Variants in KLF12 observed in about 807,000 individuals in gnomAD.
KLF12 encodes Krueppel-like factor 12.
Under a neutral mutation model 37.8 loss-of-function variants are expected in KLF12, and 9 were observed. The ratio of observed to expected loss-of-function variants is 0.24; its 90% confidence interval spans 0.14 to 0.42. KLF12 has a LOEUF of 0.42. Among genes scored for constraint, KLF12 ranks in the 10% least tolerant of loss-of-function variants. KLF12 has a pLI of 1.00. For missense variants in KLF12, 411 were observed against 516.0 expected, an observed-to-expected ratio of 0.80 and a Z score of 1.97; for synonymous variants, 208 against 202.1, an observed-to-expected ratio of 1.03 and a Z score of -0.25.
chr13:73,863,815 C>T (rs920509128), intron 3 of KLF12, among the ~76,000 whole-genome samples: 2 of 152,016 alleles, frequency 1.3e-5, no homozygotes, highest in African/African-American at 4.8e-5. Flanking sequence ...GTAATAGCAC[C>T]CCGCCAGGAG....
chr13:74,022,736 A>C (rs1892874446), intron 1 of KLF12, among the ~76,000 whole-genome samples: 1 of 149,634 alleles, frequency 6.7e-6, no homozygotes, highest in Admixed American at 6.7e-5. Context: ...TGCAGTGACC[A>C]CTCCAACCCC....
chr13:73,707,605 G>A (rs1453029070), intron 7 of KLF12, among the ~76,000 whole-genome samples: 1 of 152,094 alleles, frequency 6.6e-6, no homozygotes, highest in Non-Finnish European at 1.5e-5. Flanking sequence ...AACCTAGATG[G>A]GGGGGTCTGA....
the KLF12 span, among the ~76,000 whole-genome samples, chr13:74,144,691 A>G: frequency 2.0e-5 from 3 of 152,208 alleles, no homozygotes; most frequent in Non-Finnish European, 4.4e-5. Flanking sequence ...TTTATGTCTA[A>G]GTATTAAGAT....
intron 3 of KLF12, among the ~76,000 whole-genome samples, chr13:73,938,237 G>T (rs961700407): frequency 6.6e-6 from 1 of 152,130 alleles, no homozygotes; most frequent in African/African-American, 2.4e-5. Context: ...TTTACGCACA[G>T]ATGTACACTA....
At chr13:74,044,567 C>T (rs1893490028) in intron 1 of KLF12, among the ~76,000 whole-genome samples, 1 of 152,066 alleles carries the variant, frequency 6.6e-6, no homozygotes, top group Admixed American at 6.6e-5. Context: ...CAATGGCAAG[C>T]TGGGCATGGT....
At chr13:74,101,771 T>C (rs1182374525) in intron 1 of KLF12, among the ~76,000 whole-genome samples, 1 of 152,098 alleles carries the variant, frequency 6.6e-6, no homozygotes, top group Non-Finnish European at 1.5e-5. Flanking sequence ...TAGGAATCTG[T>C]GACATAATAT....
intron 2 of KLF12, among the ~76,000 whole-genome samples, chr13:73,984,205 A>G (rs763976914): frequency 2.0e-5 from 3 of 152,160 alleles, no homozygotes; most frequent in Non-Finnish European, 4.4e-5. Flanking sequence ...ACATTTTCAG[A>G]ACTGTCTTCC....
Position 73,759,612 on chromosome 13 carries a change from G to T in KLF12, c.869+5326C>A, listed in dbSNP as rs559371385. Reference sequence around the variant, plus strand: ...ATTTCTCTTGCTCTCTGCACAGGTGGACAACTGCCACGTCATGGAAAGACT... The same window carrying T: ...ATTTCTCTTGCTCTCTGCACAGGTGTACAACTGCCACGTCATGGAAAGACT... On this transcript the variant is annotated intron_variant, in intron 6 of 7. Coordinates refer to ENST00000377669, the MANE Select transcript of KLF12 (RefSeq NM_007249.5). 7.2e-5 allele frequency among the ~76,000 whole-genome samples: 11 copies of T among 152,266 alleles called. No individual in the cohort carries two copies. The East Asian group carries it at 2.1e-3, about 29-fold the overall frequency.
intron 3 of KLF12, among the ~76,000 whole-genome samples, chr13:73,929,661 C>T (rs191017087): frequency 6.6e-6 from 1 of 152,176 alleles, no homozygotes; most frequent in African/African-American, 2.4e-5. Flanking sequence ...AAAGCGCAAG[C>T]ACACTAGGTC....
At chr13:73,784,598 C>T (rs1156683333) in intron 5 of KLF12, among the ~76,000 whole-genome samples, 1 of 151,792 alleles carries the variant, frequency 6.6e-6, no homozygotes, top group African/African-American at 2.4e-5. Flanking sequence ...TCTCCTCCTC[C>T]ACTCCAGCAT....
chr13:73,781,286 C>G (rs11843949), intron 5 of KLF12, among the ~76,000 whole-genome samples: 1 of 152,190 alleles, frequency 6.6e-6, no homozygotes, highest in Non-Finnish European at 1.5e-5. Context: ...CACTGGGAAA[C>G]CAAAAATTTG....
the KLF12 span, among the ~76,000 whole-genome samples, chr13:74,190,768 A>G: frequency 6.6e-6 from 1 of 152,172 alleles, no homozygotes; most frequent in Non-Finnish European, 1.5e-5. Flanking sequence ...AGATATTATT[A>G]TTTACATTTT....
chr13:73,934,130 T>C (rs931215817), intron 3 of KLF12, among the ~76,000 whole-genome samples: 3 of 152,184 alleles, frequency 2.0e-5, no homozygotes, highest in African/African-American at 7.2e-5. Flanking sequence ...ACTTTTCTTC[T>C]TTTAGATAAA....
chr13:74,065,879 C>T (rs1338990225), intron 1 of KLF12, among the ~76,000 whole-genome samples: 1 of 151,774 alleles, frequency 6.6e-6, no homozygotes, highest in African/African-American at 2.4e-5. Context: ...AATCATGAGC[C>T]CCTCACAGAG....
chr13:73,848,487 T>C (rs1927009), intron 3 of KLF12, among the ~76,000 whole-genome samples: 31,854 of 150,580 alleles, frequency 0.21, 3,791 homozygotes, highest in East Asian at 0.48. Context: ...CTTAAGAAGT[T>C]TCATAACAAC....
the KLF12 span, among the ~76,000 whole-genome samples, chr13:74,157,449 G>A: frequency 2.0e-5 from 3 of 152,284 alleles, no homozygotes; most frequent in African/African-American, 7.2e-5. Context: ...ATTTTAAAAA[G>A]CATGTTACCC....
At chr13:74,287,349 T>TGTGAGAGAGAGA in the KLF12 span, among the ~76,000 whole-genome samples, 3 of 71,898 alleles carry the variant, frequency 4.2e-5, no homozygotes, top group East Asian at 5.5e-4. Context: ...CTATCAAAGT[T>TGTGAGAGAGAGA]GAGAGAGAGA....
intron 2 of KLF12, among the ~76,000 whole-genome samples, chr13:73,958,714 T>C (rs1890925970): frequency 1.3e-5 from 2 of 152,156 alleles, no homozygotes; most frequent in Admixed American, 1.3e-4. Flanking sequence ...GGTACCATGA[T>C]CTTACCTGTA....
chr13:73,741,008 C>G (rs1161061035), intron 6 of KLF12, among the ~76,000 whole-genome samples: 1 of 152,208 alleles, frequency 6.6e-6, no homozygotes, highest in Non-Finnish European at 1.5e-5. Flanking sequence ...AAATGAGACA[C>G]AGTCTCAAAG....
Sources: gnomAD v4.1 joint callset for allele counts (sites outside exome capture counted in the v4.1 genomes callset) on GRCh38, gnomAD v4.1.1 for gene constraint, MANE v1.5 for transcripts, NCBI Gene and HGNC (gene_info 2026-07-23, HGNC 2026-07-21) for gene names.